Variants in RIPK1 observed in about 807,000 individuals in gnomAD.
The protein encoded by RIPK1 is receptor interacting serine/threonine kinase 1.
In RIPK1, 27 loss-of-function variants were observed where a neutral mutation model predicts 62.4. The observed-to-expected ratio is 0.43, with a 90% CI of 0.32 to 0.60. The LOEUF (loss-of-function observed/expected upper bound fraction) is 0.60, where lower values mean the gene tolerates loss of function less well. RIPK1 is among the 20% of genes least tolerant of loss of function. The pLI is 0.07. For synonymous variants in RIPK1, 287 were observed against 303.2 expected (o/e 0.95, Z 0.55); for missense variants, 735 against 831.0 (o/e 0.88, Z 1.42).
At chr6:3,112,600 G>T (rs1046138420) in intron 10 of RIPK1, among the ~76,000 whole-genome samples, 6 of 152,178 alleles carry the variant, frequency 3.9e-5, no homozygotes, top group African/African-American at 1.2e-4. Context: ...GCACAGTCAT[G>T]GCTCACTGCA....
intron 7 of RIPK1, among the ~76,000 whole-genome samples, chr6:3,103,581 C>G (rs1760691459): frequency 6.6e-6 from 1 of 152,156 alleles, no homozygotes; most frequent in South Asian, 2.1e-4. Flanking sequence ...TTTCCTTATT[C>G]TGTAGGTTAT....
chr6:3,099,542 TCAAAAAAACAAA>T (rs1385530653), intron 7 of RIPK1, among the ~76,000 whole-genome samples: 1 of 151,992 alleles, frequency 6.6e-6, no homozygotes, highest in Non-Finnish European at 1.5e-5. Flanking sequence ...AGACTCCGTC[TCAAAAAAACAAA>T]CAAAAAAACC....
Position 3,076,895 on chromosome 6 carries a change from C to G in RIPK1, c.72C>G (p.Asp24Glu). ...SSDFLESAEL[D>E]SGGFGKVSLC... The stretch of plus-strand genomic sequence containing the variant: ...ACTTCCTGGAGAGTGCAGAACTGGA[C>G]AGCGGAGGCTTTGGGAAGGTGTCTC... The change falls in exon 2 of 11, where the codon GAC (aspartate) becomes GAG (glutamate). Residue 24 changes from aspartate to glutamate, a missense_variant. This residue lies in a region of RIPK1 where 671 missense variants were observed against 726.2 expected (regional missense o/e 0.92). Coordinates refer to ENST00000259808, the MANE Select transcript of RIPK1 (RefSeq NM_001354930.2). 1.2e-6 allele frequency: 2 copies of G among 1,609,714 alleles called. No homozygotes were observed. Among genetic ancestry groups the G allele is most frequent in the Non-Finnish European group, 1.7e-6 (2 of 1,176,590 alleles).
chr6:3,068,443 C>A, upstream of RIPK1: 1 of 985,396 alleles, frequency 1.0e-6, no homozygotes, highest in Non-Finnish European at 1.2e-6. Context: ...GGCGCTCTCG[C>A]GGTCCTCCTC....
At chr6:3,065,213 C>T (rs1411995991), upstream of RIPK1, among the ~76,000 whole-genome samples, 3 of 142,142 alleles carry the variant, frequency 2.1e-5, no homozygotes, top group Non-Finnish European at 3.0e-5. Flanking sequence ...GCTGAGATCG[C>T]GCCACTGCAC....
At chr6:3,111,677 G>A (rs528477548) in intron 10 of RIPK1, among the ~76,000 whole-genome samples, 8 of 152,252 alleles carry the variant, frequency 5.3e-5, no homozygotes, top group African/African-American at 1.9e-4. Context: ...ATTTACAAAT[G>A]CTGGCAGGAG....
upstream of RIPK1, among the ~76,000 whole-genome samples, chr6:3,067,875 TG>T: frequency 6.6e-6 from 1 of 152,194 alleles, no homozygotes; most frequent in Admixed American, 6.5e-5. Context: ...CCCGAGTAGC[TG>T]GGATTGCTGG....
upstream of RIPK1, among the ~76,000 whole-genome samples, chr6:3,064,763 G>A (rs1399254606): frequency 1.3e-5 from 2 of 152,116 alleles, no homozygotes; most frequent in African/African-American, 4.8e-5. Context: ...GGCCTTCTAA[G>A]GGGGACCAGG....
intron 9 of RIPK1, among the ~76,000 whole-genome samples, chr6:3,109,709 T>C (rs1360517944): frequency 6.6e-6 from 1 of 152,212 alleles, no homozygotes; most frequent in Non-Finnish European, 1.5e-5. Context: ...CACAGTGTTA[T>C]GCAACCATCA....
At chr6:3,107,252 G>GAA (rs761852945) in intron 9 of RIPK1, among the ~76,000 whole-genome samples, 19 of 117,514 alleles carry the variant, frequency 1.6e-4, no homozygotes, top group African/African-American at 3.8e-4. Context: ...ATTGTGTCTC[G>GAA]AAAAAAAAAA....
At chr6:3,075,669 AG>A (rs1350687371) in intron 1 of RIPK1, among the ~76,000 whole-genome samples, 2 of 152,122 alleles carry the variant, frequency 1.3e-5, no homozygotes, top group Admixed American at 6.5e-5. Context: ...TTGTATTTGT[AG>A]GAATTCTGTC....
intron 5 of RIPK1, among the ~76,000 whole-genome samples, chr6:3,084,924 G>A (rs1759610329): frequency 6.6e-6 from 1 of 152,132 alleles, no homozygotes; most frequent in African/African-American, 2.4e-5. Flanking sequence ...ATCACTCTGT[G>A]TTTTAAGTCA....
chr6:3,072,449 C>T lies in RIPK1; in HGVS notation c.-61+3788C>T. Among the ~76,000 whole-genome samples the T allele has an allele frequency of 6.6e-6, 1 of 151,900 alleles. No individual in the cohort carries two copies. The highest frequency in any genetic ancestry group is 2.1e-4 in the South Asian group (1 of 4,822). On this transcript the variant is annotated intron_variant, in intron 1 of 10. Transcript: ENST00000259808. This position sits in a 1 kb window ranked among gnomAD's most constrained non-coding sequence, Gnocchi z 5.6. ...ATATAATTTTTACAGATTTATTCGT[C>T]AAAAACAATTTTGAATGGCTATATA...
chr6:3,107,606 T>G (rs1760927867), intron 9 of RIPK1, among the ~76,000 whole-genome samples: 1 of 150,998 alleles, frequency 6.6e-6, no homozygotes, highest in South Asian at 2.1e-4. Context: ...CTCTTCCCAC[T>G]TTGTGACGTG....
At position 3,083,260 on chromosome 6, in the gene RIPK1, A is replaced by T; in HGVS notation, c.635A>T (p.Tyr212Phe). Residue 212 changes from tyrosine (Y) to phenylalanine (F), a missense_variant, in exon 5 of 11, where the codon TAC becomes TTC. Around this residue, in one of 2 missense-constraint regions of RIPK1, gnomAD observed 671 missense variants for 726.2 expected, o/e 0.92. Transcript: ENST00000259808. ...AAGCCCACAGAGAAGTCGGATGTGT[A>T]CAGCTTTGCTGTAGTACTCTGGGCG... ...NAKPTEKSDV[Y>F]SFAVVLWAIF... The T allele has an allele frequency of 6.2e-7, 1 of 1,613,902 alleles. No homozygotes were observed. Among genetic ancestry groups the T allele is most frequent in the Non-Finnish European group, 8.5e-7 (1 of 1,180,008 alleles).
rs1205977283 is a variant in RIPK1 at position 3,081,129 on chromosome 6, C to T, written c.459+13C>T. 19 of 1,609,130 alleles carry T rather than the reference C, an allele frequency of 1.2e-5. No homozygotes were observed. In the Middle Eastern group the frequency reaches 5.0e-4, roughly 42 times the overall value. ...CTTCCACATTAAGGTAAACCATCAT[C>T]GGTAGGCTTCCAGAAAGTTGGGTGA... On this transcript the variant is annotated intron_variant, in intron 4 of 10. Coordinates refer to ENST00000259808, the MANE Select transcript of RIPK1 (RefSeq NM_001354930.2).
intron 3 of RIPK1, 88 bp downstream of exon 3, chr6:3,078,023 C>G (rs1023319456): frequency 2.9e-5 from 40 of 1,401,592 alleles, no homozygotes; most frequent in Non-Finnish European, 3.7e-5. Flanking sequence ...GTTTGCAGCT[C>G]GTTAGCATCA....
intron 7 of RIPK1, among the ~76,000 whole-genome samples, chr6:3,102,686 C>T (rs1219147701): frequency 6.6e-6 from 1 of 152,116 alleles, no homozygotes; most frequent in African/African-American, 2.4e-5. Context: ...CTGCAACCTC[C>T]GCCTCCCGGG....
At chr6:3,078,761 A>C (rs994328272) in intron 3 of RIPK1, among the ~76,000 whole-genome samples, 1 of 152,276 alleles carries the variant, frequency 6.6e-6, no homozygotes, top group Non-Finnish European at 1.5e-5. Context: ...ATTGTTTACC[A>C]AAGTCAAATG....
Sources: gnomAD v4.1 joint callset for allele counts (sites outside exome capture counted in the v4.1 genomes callset) on GRCh38, gnomAD v4.1.1 for gene constraint, gnomAD v4.1.1 regional missense constraint, Gnocchi (gnomAD v3.1) non-coding constraint, MANE v1.5 for transcripts, NCBI Gene and HGNC (gene_info 2026-07-23, HGNC 2026-07-21) for gene names.